Variants in DLG2 observed in about 807,000 individuals in gnomAD.
DLG2 encodes the protein discs large MAGUK scaffold protein 2, also known as disks large homolog 2.
DLG2 carries 45 observed loss-of-function variants against 132.5 expected under a neutral mutation model. The ratio of observed to expected loss-of-function variants is 0.34; its 90% CI spans 0.27 to 0.44. DLG2 has a LOEUF of 0.44. Ranked by LOEUF, DLG2 falls within the 20% of genes least tolerant of loss-of-function variation. The probability of loss-of-function intolerance (pLI) is 1.00; values close to 1 mark genes in which losing one functional copy is unlikely to be tolerated. For synonymous variants in DLG2, 424 were observed against 419.6 expected (o/e 1.01, Z -0.13); for missense variants, 1,045 against 1,196.9 (o/e 0.87, Z 1.87).
chr11:84,933,636 G>A (rs2048349958), intron 6 of DLG2, among the ~76,000 whole-genome samples: 2 of 152,110 alleles, frequency 1.3e-5, no homozygotes, highest in Admixed American at 1.3e-4. Context: ...GTGAATGGGA[G>A]TTCATTCATG....
chr11:85,101,706 G>GA (rs1566850718), intron 6 of DLG2, among the ~76,000 whole-genome samples: 1 of 151,984 alleles, frequency 6.6e-6, no homozygotes, highest in African/African-American at 2.4e-5. Flanking sequence ...ACAAACCTGT[G>GA]AAAAAATAAT....
At chr11:85,006,127 C>A (rs1007647696) in intron 6 of DLG2, among the ~76,000 whole-genome samples, 3 of 152,026 alleles carry the variant, frequency 2.0e-5, no homozygotes, top group Admixed American at 6.6e-5. Context: ...TCAGTTTGCC[C>A]ATAGTTTATT....
chr11:85,206,017 TG>T (rs1258637969), intron 4 of DLG2, among the ~76,000 whole-genome samples: 1 of 152,032 alleles, frequency 6.6e-6, no homozygotes, highest in African/African-American at 2.4e-5. Flanking sequence ...GTGTTGGAGG[TG>T]GGGACGGGTG....
At chr11:84,395,104 G>C (rs1410553241) in intron 7 of DLG2, among the ~76,000 whole-genome samples, 1 of 151,696 alleles carries the variant, frequency 6.6e-6, no homozygotes, top group African/African-American at 2.4e-5. Flanking sequence ...CTTCAGCTTT[G>C]ACTAATTTGC....
chr11:83,732,279 G>C (rs572057578), intron 18 of DLG2, among the ~76,000 whole-genome samples: 44 of 152,068 alleles, frequency 2.9e-4, no homozygotes, highest in Non-Finnish European at 5.0e-4. Flanking sequence ...ACAATCTCAA[G>C]GGTGGTAGGA....
chr11:83,743,429 A>ATTTTCTTTTTTTTTTTTTTT (rs374206299), intron 18 of DLG2, among the ~76,000 whole-genome samples: 3 of 103,836 alleles, frequency 2.9e-5, no homozygotes, highest in African/African-American at 5.8e-5. Flanking sequence ...TGGGCAGGCC[A>ATTTTCTTTTTTTTTTTTTTT]TTTTTTTTTT....
chr11:85,453,124 T>G, intron 3 of DLG2: 2 of 249,454 alleles, frequency 8.0e-6, no homozygotes, highest in Middle Eastern at 8.3e-4. Context: ...TGTGGATAAG[T>G]GCATTATGCC....
intron 4 of DLG2, among the ~76,000 whole-genome samples, chr11:85,156,726 C>T (rs139889793): frequency 1.3e-5 from 2 of 152,292 alleles, no homozygotes; most frequent in East Asian, 1.9e-4. Flanking sequence ...ATACTGAACA[C>T]GGCGGCACAT....
At chr11:84,887,892 G>T (rs1388166699) in intron 6 of DLG2, among the ~76,000 whole-genome samples, 1 of 152,088 alleles carries the variant, frequency 6.6e-6, no homozygotes, top group African/African-American at 2.4e-5. Flanking sequence ...CACTACATCT[G>T]CTGTAACTAG....
chr11:83,615,377 A>G (rs189866836), intron 19 of DLG2, among the ~76,000 whole-genome samples: 3 of 152,336 alleles, frequency 2.0e-5, no homozygotes, highest in African/African-American at 7.2e-5. Context: ...TTCTAGCAAC[A>G]TGACCCAAGG....
intron 6 of DLG2, among the ~76,000 whole-genome samples, chr11:84,543,155 A>G (rs1259645924): frequency 6.6e-6 from 1 of 152,204 alleles, no homozygotes; most frequent in Non-Finnish European, 1.5e-5. Flanking sequence ...TTAATTTGAA[A>G]TGAATTCTCT....
At chr11:84,280,984 G>A (rs1271449609) in intron 7 of DLG2, among the ~76,000 whole-genome samples, 1 of 146,728 alleles carries the variant, frequency 6.8e-6, no homozygotes, top group African/African-American at 2.5e-5. Flanking sequence ...GCCTCCCAAA[G>A]TGCTGGGATT....
chr11:83,652,344 C>G (rs920122840), intron 18 of DLG2, among the ~76,000 whole-genome samples: 1 of 152,074 alleles, frequency 6.6e-6, no homozygotes, highest in Admixed American at 6.6e-5. Flanking sequence ...ATAGTCCTCA[C>G]GTGTATATTT....
At chr11:84,238,284 G>T (rs2097184691) in intron 8 of DLG2, among the ~76,000 whole-genome samples, 2 of 151,978 alleles carry the variant, frequency 1.3e-5, no homozygotes, top group Non-Finnish European at 2.9e-5. Flanking sequence ...AGAGGCCGAG[G>T]TGTGCGGATT....
intron 6 of DLG2, among the ~76,000 whole-genome samples, chr11:84,679,785 G>C (rs528746971): frequency 3.3e-5 from 5 of 152,082 alleles, no homozygotes; most frequent in African/African-American, 1.2e-4. Context: ...TATAAATATA[G>C]TAAGTTGTAG....
intron 18 of DLG2, among the ~76,000 whole-genome samples, chr11:83,671,203 G>T (rs2076767083): frequency 6.6e-6 from 1 of 152,156 alleles, no homozygotes; most frequent in African/African-American, 2.4e-5. Flanking sequence ...AATATTAAAT[G>T]AAAATGTGTG....
In DLG2 at chr11:85,151,371, C is replaced by A. The variant is rs537934780; in HGVS notation, c.282+3185G>T. Reference sequence around the variant, plus strand: ...TGTACAGAAGTCTTTAAGTTTGATGCAGTACAATTTGTTTTTTTTTTTTTG... The same window carrying A: ...TGTACAGAAGTCTTTAAGTTTGATGAAGTACAATTTGTTTTTTTTTTTTTG... On this transcript the variant is annotated intron_variant, in intron 5 of 27. Transcript: ENST00000376104. Among the ~76,000 whole-genome samples the A allele has an allele frequency of 4.6e-4, 54 of 116,210 alleles. 1 individual carries two copies. The highest frequency in any genetic ancestry group is 1.8e-3 in the African/African-American group (53 of 29,224). The allele number at this position is 116,210 out of a possible 152,430, so 76.2% of individuals were successfully genotyped here. A position where few individuals can be genotyped will look rare whatever the true frequency, so the allele number is the denominator to read the frequency against.
intron 11 of DLG2, among the ~76,000 whole-genome samples, chr11:83,981,174 G>A (rs56791884): frequency 0.022 from 3,332 of 152,226 alleles, 118 homozygotes; most frequent in African/African-American, 0.076. Flanking sequence ...CCATGAATAA[G>A]TTACACTGTT....
intron 6 of DLG2, among the ~76,000 whole-genome samples, chr11:84,663,201 T>C (rs1177639901): frequency 6.6e-6 from 1 of 151,770 alleles, no homozygotes; most frequent in Non-Finnish European, 1.5e-5. Flanking sequence ...CAAGATATAA[T>C]GCTTATTTGT....
Sources: gnomAD v4.1 joint callset for allele counts (sites outside exome capture counted in the v4.1 genomes callset) on GRCh38, gnomAD v4.1.1 for gene constraint, MANE v1.5 for transcripts, NCBI Gene and HGNC (gene_info 2026-07-23, HGNC 2026-07-21) for gene names.